Variants in UNC5D observed in about 807,000 individuals in gnomAD.
UNC5D encodes the protein unc-5 netrin receptor D.
Under a neutral mutation model 105.4 loss-of-function variants are expected in UNC5D, and 39 were observed. That is an observed-to-expected ratio of 0.37 (90% CI 0.29 to 0.48). The LOEUF (loss-of-function observed/expected upper bound fraction) is 0.48. Ranked by LOEUF, UNC5D falls within the 20% of genes least tolerant of loss-of-function variation. The pLI, the probability that UNC5D is intolerant of heterozygous loss-of-function variation, is 0.98. For missense variants in UNC5D, 991 were observed against 1,202.4 expected (o/e 0.82, Z 2.60); for synonymous variants, 452 against 450.4 (o/e 1.00, Z -0.04).
intron 1 of UNC5D, among the ~76,000 whole-genome samples, chr8:35,494,549 T>C (rs1179136576): frequency 2.0e-5 from 3 of 152,166 alleles, no homozygotes; most frequent in East Asian, 1.9e-4. Context: ...CTAGAAAGAA[T>C]TGATTTCCTA....
chr8:35,765,615 T>G (rs1801730650), intron 14 of UNC5D, among the ~76,000 whole-genome samples: 1 of 152,140 alleles, frequency 6.6e-6, no homozygotes, highest in Admixed American at 6.5e-5. Flanking sequence ...AAAATAAAAA[T>G]CTGTGAGGCT....
chr8:35,619,292 T>G lies in UNC5D; in HGVS notation c.570+23635T>G, dbSNP rs772130931. Reference sequence around the variant, plus strand: ...TTTTGAAGTATGAATGAGCTCATTGTGGTGAGAGTTTGTACAGAACAGTCA... The same window carrying G: ...TTTTGAAGTATGAATGAGCTCATTGGGGTGAGAGTTTGTACAGAACAGTCA... On this transcript the variant is annotated intron_variant, in intron 4 of 16. Transcript: ENST00000404895. Among the ~76,000 whole-genome samples, 44 of 152,296 alleles carry G rather than the reference T, an allele frequency of 2.9e-4. 1 individual carries two copies. Among genetic ancestry groups the G allele is most frequent in the Admixed American group, 2.0e-3 (30 of 15,298 alleles).
At chr8:35,683,192 T>G (rs1471886895) in intron 4 of UNC5D, among the ~76,000 whole-genome samples, 2 of 152,192 alleles carry the variant, frequency 1.3e-5, no homozygotes, top group African/African-American at 4.8e-5. Flanking sequence ...AGCTCCACTT[T>G]GGACCAATTA....
intron 14 of UNC5D, among the ~76,000 whole-genome samples, chr8:35,763,746 T>C (rs1168247320): frequency 6.6e-6 from 1 of 152,154 alleles, no homozygotes; most frequent in Non-Finnish European, 1.5e-5. Context: ...TTCACTGGTT[T>C]GGAGAAGAGA....
At chr8:35,481,227 A>G (rs1380809435) in intron 1 of UNC5D, among the ~76,000 whole-genome samples, 3 of 152,156 alleles carry the variant, frequency 2.0e-5, no homozygotes, top group African/African-American at 4.8e-5. Context: ...TGCCCATCTG[A>G]TGAGGCAGAG....
At chr8:35,606,271 C>G (rs529787422) in intron 4 of UNC5D, among the ~76,000 whole-genome samples, 9 of 152,120 alleles carry the variant, frequency 5.9e-5, no homozygotes, top group Non-Finnish European at 1.3e-4. Context: ...CAGACATGAG[C>G]CACCGCACCT....
At chr8:35,772,778 G>A (rs1802065469) in intron 15 of UNC5D, among the ~76,000 whole-genome samples, 1 of 148,382 alleles carries the variant, frequency 6.7e-6, no homozygotes, top group African/African-American at 2.5e-5. Flanking sequence ...GCCAGGGCAT[G>A]TTCTCATCTG....
At chr8:35,495,567 C>T (rs1811527077) in intron 1 of UNC5D, among the ~76,000 whole-genome samples, 1 of 150,044 alleles carries the variant, frequency 6.7e-6, no homozygotes, top group Non-Finnish European at 1.5e-5. Flanking sequence ...GTGGGTTGTA[C>T]AAGCTTGATG....
At chr8:35,418,161 C>T in intron 1 of UNC5D, among the ~76,000 whole-genome samples, 1 of 152,078 alleles carries the variant, frequency 6.6e-6, no homozygotes, top group African/African-American at 2.4e-5. Context: ...AAATTCTGTC[C>T]TGTTCCTTTT....
chr8:35,375,422 T>G (rs1354155133), intron 1 of UNC5D, among the ~76,000 whole-genome samples: 1 of 152,102 alleles, frequency 6.6e-6, no homozygotes, highest in Non-Finnish European at 1.5e-5. Flanking sequence ...CATGGGGAAA[T>G]CAGAGATGGT....
At chr8:35,514,217 A>G (rs1457624712) in intron 1 of UNC5D, among the ~76,000 whole-genome samples, 1 of 152,218 alleles carries the variant, frequency 6.6e-6, no homozygotes, top group African/African-American at 2.4e-5. Context: ...TGAGCAGTTC[A>G]TGTGCAACAC....
intron 1 of UNC5D, among the ~76,000 whole-genome samples, chr8:35,318,489 C>T (rs1252796303): frequency 1.4e-4 from 21 of 152,008 alleles, no homozygotes; most frequent in Admixed American, 1.4e-3. Context: ...TGACCTGGGG[C>T]AGATATATTT....
chr8:35,383,355 T>C (rs1005440041), intron 1 of UNC5D, among the ~76,000 whole-genome samples: 2 of 152,198 alleles, frequency 1.3e-5, no homozygotes, highest in Admixed American at 6.5e-5. Flanking sequence ...ATACGTAATA[T>C]AGTAATTAGA....
chr8:35,391,810 G>A (rs1803794614), intron 1 of UNC5D, among the ~76,000 whole-genome samples: 1 of 152,208 alleles, frequency 6.6e-6, no homozygotes, highest in African/African-American at 2.4e-5. Context: ...CTTTGGTCTG[G>A]TGGGCAAAGT....
intron 1 of UNC5D, among the ~76,000 whole-genome samples, chr8:35,287,711 G>A (rs1806711557): frequency 6.6e-6 from 1 of 152,122 alleles, no homozygotes; most frequent in Non-Finnish European, 1.5e-5. Context: ...AGAGGCTGAG[G>A]TTGGAGGATT....
At chr8:35,346,374 G>A (rs1268264546) in intron 1 of UNC5D, among the ~76,000 whole-genome samples, 1 of 151,922 alleles carries the variant, frequency 6.6e-6, no homozygotes, top group Non-Finnish European at 1.5e-5. Context: ...TAAAAACGTT[G>A]GTGATACATG....
intron 1 of UNC5D, among the ~76,000 whole-genome samples, chr8:35,508,098 T>G (rs1312674433): frequency 6.6e-6 from 1 of 151,948 alleles, no homozygotes; most frequent in Non-Finnish European, 1.5e-5. Flanking sequence ...TTCAGGAAAA[T>G]GAATGTAATA....
chr8:35,397,927 T>C (rs1804208120), intron 1 of UNC5D, among the ~76,000 whole-genome samples: 1 of 152,188 alleles, frequency 6.6e-6, no homozygotes, highest in South Asian at 2.1e-4. Context: ...ATTATGACAT[T>C]AGGTGATCCT....
intron 16 of UNC5D, among the ~76,000 whole-genome samples, chr8:35,781,049 C>T (rs1802480440): frequency 6.6e-6 from 1 of 152,110 alleles, no homozygotes. Flanking sequence ...TATTATACAT[C>T]GGTCCTTGTA....
Sources: allele counts gnomAD v4.1 joint callset (sites outside exome capture counted in the v4.1 genomes callset), GRCh38; gene constraint gnomAD v4.1.1; transcripts MANE v1.5; gene names NCBI Gene and HGNC (gene_info 2026-07-23, HGNC 2026-07-21).